The following KIAA1549 variants were observed in gnomAD, a reference collection of about 807,000 sequenced individuals.
KIAA1549 encodes the protein UPF0606 protein KIAA1549.
In KIAA1549, 70 loss-of-function variants were observed where a neutral mutation model predicts 156.4. That is an observed-to-expected ratio of 0.45 (90% confidence interval 0.37 to 0.55). KIAA1549 has a LOEUF of 0.55. Among genes scored for constraint, KIAA1549 ranks in the 20% least tolerant of loss-of-function variants. The pLI, the probability that KIAA1549 is intolerant of heterozygous loss-of-function variation, is 0.00. For missense variants in KIAA1549, 2,428 were observed against 2,540.9 expected, an observed-to-expected ratio of 0.96 and a Z score of 0.96; for synonymous variants, 1,103 against 1,066.4, an observed-to-expected ratio of 1.03 and a Z score of -0.67.
intron 13 of KIAA1549, 145 bp from the exon 14 acceptor site, chr7:138,869,906 A>G (rs1679576555): frequency 3.1e-6 from 2 of 647,168 alleles, no homozygotes; most frequent in Non-Finnish European, 2.6e-6. Flanking sequence ...CTGGAGTGCA[A>G]TGGCATGATC....
intron 9 of KIAA1549, among the ~76,000 whole-genome samples, chr7:138,895,289 C>G (rs1403602129): frequency 1.3e-5 from 2 of 152,182 alleles, no homozygotes; most frequent in Non-Finnish European, 2.9e-5. Flanking sequence ...TGCAACTGGT[C>G]GTTTCCCCTT....
intron 10 of KIAA1549, among the ~76,000 whole-genome samples, chr7:138,887,822 T>C (rs1306843308): frequency 2.6e-5 from 4 of 152,206 alleles, no homozygotes; most frequent in African/African-American, 9.7e-5. Flanking sequence ...CGTTCCACGT[T>C]GGGAAACTGT....
intron 7 of KIAA1549, 64 bp from the exon 8 acceptor site, chr7:138,903,800 T>TGA: frequency 2.7e-5 from 1 of 36,506 alleles, no homozygotes; most frequent in Admixed American, 3.5e-4. Flanking sequence ...ACAGTGTGTG[T>TGA]GTGTGTGTGT....
In KIAA1549 at chr7:138,899,617, A is replaced by G. The variant is rs541479447; in HGVS notation, c.3670-485T>C. Among the ~76,000 whole-genome samples the G allele has an allele frequency of 2.8e-4, 42 of 152,172 alleles. 2 individuals are homozygous for G. The highest frequency in any genetic ancestry group is 9.6e-4 in the African/African-American group (40 of 41,510). On this transcript the variant is annotated intron_variant, in intron 8 of 19. Coordinates refer to ENST00000422774, the MANE Select transcript of KIAA1549 (RefSeq NM_001164665.2). ...GGGCTTCTCAACCTCAGCTCTACTG[A>G]CAATCCCTTGACATGGGGTGCACTG...
intron 10 of KIAA1549, among the ~76,000 whole-genome samples, chr7:138,891,925 G>A (rs948971317): frequency 6.6e-6 from 1 of 152,182 alleles, no homozygotes; most frequent in Non-Finnish European, 1.5e-5. Flanking sequence ...TAAACTAAAT[G>A]AAGAGATCAT....
intron 13 of KIAA1549, among the ~76,000 whole-genome samples, chr7:138,870,637 A>G (rs1584718540): frequency 6.6e-6 from 1 of 152,258 alleles, no homozygotes; most frequent in South Asian, 2.1e-4. Context: ...CGGCCGCACT[A>G]ACACTTTTCT....
At chr7:138,870,322 G>A (rs921330535) in intron 13 of KIAA1549, among the ~76,000 whole-genome samples, 2 of 151,930 alleles carry the variant, frequency 1.3e-5, no homozygotes, top group Non-Finnish European at 2.9e-5. Flanking sequence ...GTGGTGCACT[G>A]GAGTCTTGTC....
At chr7:138,891,117 C>T (rs868146965) in intron 10 of KIAA1549, among the ~76,000 whole-genome samples, 2 of 152,240 alleles carry the variant, frequency 1.3e-5, no homozygotes, top group Non-Finnish European at 2.9e-5. Flanking sequence ...TGTCTGCTTT[C>T]GGATGGCTCG....
At chr7:138,930,506 T>C (rs1812839122) in intron 1 of KIAA1549, among the ~76,000 whole-genome samples, 1 of 152,242 alleles carries the variant, frequency 6.6e-6, no homozygotes, top group Admixed American at 6.5e-5. Flanking sequence ...CCTCCACCAG[T>C]GATCTTACCT....
chr7:138,976,237 C>T (rs948688517), intron 1 of KIAA1549, among the ~76,000 whole-genome samples: 6 of 152,110 alleles, frequency 3.9e-5, no homozygotes, highest in East Asian at 1.9e-4. Flanking sequence ...CCACCACACC[C>T]GGCTAATTTC....
intron 16 of KIAA1549, among the ~76,000 whole-genome samples, chr7:138,852,890 T>C (rs1296867973): frequency 6.6e-6 from 1 of 152,256 alleles, no homozygotes; most frequent in African/African-American, 2.4e-5. Flanking sequence ...TGCCCTTAAG[T>C]TCCATAAGGT....
At chr7:138,921,206 T>C (rs1812554726) in intron 1 of KIAA1549, among the ~76,000 whole-genome samples, 1 of 151,978 alleles carries the variant, frequency 6.6e-6, no homozygotes, top group African/African-American at 2.4e-5. Flanking sequence ...AATATCCACT[T>C]TTCAGAAGAC....
Position 138,852,231 on chromosome 7 carries a change from T to C in KIAA1549, c.5286A>G (p.Pro1762=), listed in dbSNP as rs369852769. The part of the protein sequence containing the change: ...EDYGMTPPTG[P]LPRPGFGPGL... ...TGTTTTGAAAACCTTACCTTGGCAA[T>C]GGACCCGTCGGGGGAGTCATTCCAT... The change falls in exon 17 of 20, where the codon CCA becomes CCG. Residue 1762 remains proline, a synonymous_variant. Coordinates refer to ENST00000422774, the MANE Select transcript of KIAA1549 (RefSeq NM_001164665.2). 6 of 1,610,502 alleles carry C rather than the reference T, an allele frequency of 3.7e-6. No homozygotes were observed. Among genetic ancestry groups the C allele is most frequent in the Admixed American group, 1.7e-5 (1 of 59,744 alleles).
intron 16 of KIAA1549, among the ~76,000 whole-genome samples, chr7:138,857,898 G>T (rs986843736): frequency 6.6e-6 from 1 of 152,120 alleles, no homozygotes. Flanking sequence ...TTTAATGAAG[G>T]GTTCTTGTAG....
chr7:138,854,861 A>G lies in KIAA1549; in HGVS notation c.5248-2592T>C, dbSNP rs140896440. Among the ~76,000 whole-genome samples, 451 of 152,320 alleles carry G rather than the reference A, an allele frequency of 3.0e-3. 1 individual carries two copies. The highest frequency in any genetic ancestry group is 0.011 in the African/African-American group (442 of 41,576). On this transcript the variant is annotated intron_variant, in intron 16 of 19. Coordinates refer to ENST00000422774, the MANE Select transcript of KIAA1549 (RefSeq NM_001164665.2). Reference sequence around the variant, plus strand: ...TGCAACACCTATGAACAATGAACAAATAAGAGAAATAACAACACGAACCTG... The same window carrying G: ...TGCAACACCTATGAACAATGAACAAGTAAGAGAAATAACAACACGAACCTG...
chr7:138,910,275 C>T (rs1188953258), intron 4 of KIAA1549, among the ~76,000 whole-genome samples: 2 of 152,104 alleles, frequency 1.3e-5, no homozygotes, highest in Non-Finnish European at 2.9e-5. Context: ...TGGTAGCTCA[C>T]ACCCGTAATC....
intron 10 of KIAA1549, among the ~76,000 whole-genome samples, chr7:138,883,756 G>A (rs1365173888): frequency 6.6e-6 from 1 of 152,206 alleles, no homozygotes; most frequent in Non-Finnish European, 1.5e-5. Flanking sequence ...GTCGTCCCAA[G>A]GGGTCTCCTC....
rs1227638111 is a variant in KIAA1549 at position 138,844,307 on chromosome 7, C to T, written c.5452+10G>A. On this transcript the variant is annotated intron_variant, in intron 18 of 19. Coordinates refer to ENST00000422774, the MANE Select transcript of KIAA1549 (RefSeq NM_001164665.2). ...TAGCTCAGAAATGGAAGCTAAACAGCCACATATACCTGTGGTACCCCCGAC... is the reference window on the plus strand; with the variant it reads ...TAGCTCAGAAATGGAAGCTAAACAGTCACATATACCTGTGGTACCCCCGAC... The T allele has an allele frequency of 1.2e-6, 2 of 1,613,834 alleles. No individual in the cohort carries two copies. Among genetic ancestry groups the T allele is most frequent in the Admixed American group, 1.7e-5 (1 of 60,030 alleles).
chr7:138,872,168 A>G (rs980196835), intron 12 of KIAA1549, among the ~76,000 whole-genome samples: 3 of 152,074 alleles, frequency 2.0e-5, no homozygotes, highest in African/African-American at 4.8e-5. Flanking sequence ...GTTGGTCTTG[A>G]ACTCCTGACC....
Sources: allele counts gnomAD v4.1 joint callset (sites outside exome capture counted in the v4.1 genomes callset), GRCh38; gene constraint gnomAD v4.1.1; transcripts MANE v1.5; gene names NCBI Gene and HGNC (gene_info 2026-07-23, HGNC 2026-07-21).